NPAS3: variants seen among roughly 807,000 people sequenced by gnomAD.
NPAS3 encodes neuronal PAS domain-containing protein 3.
In NPAS3, 14 loss-of-function variants were observed where a neutral mutation model predicts 73.1. That is an observed-to-expected ratio of 0.19 (90% confidence interval 0.13 to 0.30). The LOEUF (loss-of-function observed/expected upper bound fraction) is 0.30, where lower values mean the gene tolerates loss of function less well. Among genes scored for constraint, NPAS3 ranks in the 10% least tolerant of loss-of-function variants. The pLI, the probability that NPAS3 is intolerant of heterozygous loss-of-function variation, is 1.00. For missense variants in NPAS3, 1,096 were observed against 1,250.0 expected (o/e 0.88, Z 1.86); for synonymous variants, 620 against 541.5 (o/e 1.14, Z -2.01).
rs141623668 is a variant in NPAS3, at chr14:33,169,869, G to A, written c.141-45313G>A. Among the ~76,000 whole-genome samples the A allele has an allele frequency of 7.1e-3, 1,082 of 152,302 alleles. 3 individuals are homozygous for A. Among genetic ancestry groups the A allele is most frequent in the Middle Eastern group, 0.02 (6 of 294 alleles). ...ACCTAAGTTTTAGTCTGAGTTATGA[G>A]ACCTTGTCGGTACCTGATTCTCGAA... On this transcript the variant is annotated intron_variant, in intron 2 of 11. Transcript: ENST00000356141.
intron 5 of NPAS3, among the ~76,000 whole-genome samples, chr14:33,626,503 G>C (rs546574120): frequency 3.3e-5 from 5 of 152,178 alleles, no homozygotes; most frequent in Admixed American, 6.5e-5. Flanking sequence ...ATATTCCCCA[G>C]GGTGATTATG....
At chr14:33,176,319 G>A (rs1225063420) in intron 2 of NPAS3, among the ~76,000 whole-genome samples, 1 of 152,106 alleles carries the variant, frequency 6.6e-6, no homozygotes, top group Non-Finnish European at 1.5e-5. Flanking sequence ...ATTTTCAAAA[G>A]TTTTCATGAC....
chr14:33,580,503 T>C (rs531015593), intron 5 of NPAS3, among the ~76,000 whole-genome samples: 1 of 152,280 alleles, frequency 6.6e-6, no homozygotes, highest in South Asian at 2.1e-4. Context: ...CTTTAAAGGC[T>C]GGTGAGAGCC....
intron 3 of NPAS3, chr14:33,215,715 T>C (rs1445385828): frequency 1.6e-6 from 1 of 631,978 alleles, no homozygotes; most frequent in Non-Finnish European, 2.8e-6. Context: ...TTGGGTTTAA[T>C]GTATGTTTTA....
chr14:33,433,985 G>T (rs1182832989), intron 4 of NPAS3, among the ~76,000 whole-genome samples: 2 of 151,896 alleles, frequency 1.3e-5, no homozygotes, highest in African/African-American at 2.4e-5. Flanking sequence ...GAGGTCAGGA[G>T]TTCGAGACCA....
intron 5 of NPAS3, among the ~76,000 whole-genome samples, chr14:33,575,674 G>A (rs2056405134): frequency 6.6e-6 from 1 of 152,146 alleles, no homozygotes; most frequent in Non-Finnish European, 1.5e-5. Flanking sequence ...TTATTTTATG[G>A]TGAAAAATTT....
At chr14:33,529,863 AG>A (rs1483469704) in intron 4 of NPAS3, among the ~76,000 whole-genome samples, 2 of 152,140 alleles carry the variant, frequency 1.3e-5, no homozygotes, top group East Asian at 3.9e-4. Context: ...CCATTGTCTT[AG>A]GAATTACCAA....
chr14:33,609,407 C>G (rs1009423628), intron 5 of NPAS3, among the ~76,000 whole-genome samples: 2 of 152,164 alleles, frequency 1.3e-5, no homozygotes, highest in African/African-American at 4.8e-5. Flanking sequence ...CTGCTGTCTC[C>G]TCTATGGACT....
chr14:33,676,811 C>G (rs541115797), intron 6 of NPAS3, among the ~76,000 whole-genome samples: 1 of 151,970 alleles, frequency 6.6e-6, no homozygotes, highest in Non-Finnish European at 1.5e-5. Flanking sequence ...ATCTTGGTTT[C>G]TTTATTTTTT....
intron 9 of NPAS3, among the ~76,000 whole-genome samples, chr14:33,787,593 G>T (rs970264200): frequency 2.3e-5 from 1 of 43,206 alleles, no homozygotes; most frequent in South Asian, 1.1e-3. Flanking sequence ...TCAGCATATA[G>T]ATTTACAAAA....
chr14:33,661,566 A>ACATT (rs1567100334), intron 5 of NPAS3, among the ~76,000 whole-genome samples: 1 of 152,206 alleles, frequency 6.6e-6, no homozygotes, highest in East Asian at 1.9e-4. Flanking sequence ...TTATTTTTCT[A>ACATT]CCACAATTGT....
chr14:33,675,585 C>T (rs1363194033), intron 5 of NPAS3, among the ~76,000 whole-genome samples: 1 of 152,198 alleles, frequency 6.6e-6, no homozygotes, highest in Non-Finnish European at 1.5e-5. Context: ...ATGGCTGCTT[C>T]AGACCCCAGC....
intron 3 of NPAS3, among the ~76,000 whole-genome samples, chr14:33,258,330 C>T (rs1181550561): frequency 3.3e-5 from 5 of 151,960 alleles, no homozygotes; most frequent in Non-Finnish European, 5.9e-5. Context: ...TGAACCTGGG[C>T]GGTGGAGGTT....
intron 3 of NPAS3, among the ~76,000 whole-genome samples, chr14:33,288,096 G>A (rs2041951663): frequency 6.6e-6 from 1 of 152,054 alleles, no homozygotes; most frequent in Non-Finnish European, 1.5e-5. Context: ...CTATGAAATG[G>A]ATGTTAGTCC....
Position 32,939,368 on chromosome 14 carries a change from T to A in NPAS3, c.50+2T>A, listed in dbSNP as rs1595046601. ...GCAGGATCCTTCCAGGCGAGAACGG[T>A]AACACTTTTCTGTTTATTGAACCTG... On this transcript the variant is annotated splice_donor_variant, in intron 1 of 11. Transcript: ENST00000356141. LOFTEE classifies it high-confidence loss of function. The A allele has an allele frequency of 1.4e-6, 1 of 699,448 alleles. No individual in the cohort carries two copies. The highest frequency in any genetic ancestry group is 2.5e-6 in the Non-Finnish European group (1 of 398,422). 43.3% of individuals were successfully genotyped at this position (699,448 alleles called of 1,614,324 possible).
At chr14:33,463,168 A>C (rs2139521393) in intron 4 of NPAS3, among the ~76,000 whole-genome samples, 1 of 152,338 alleles carries the variant, frequency 6.6e-6, no homozygotes, top group South Asian at 2.1e-4. Flanking sequence ...AGTTTCTATT[A>C]GTGTATGAGC....
At chr14:32,973,533 A>AT (rs71432099) in intron 1 of NPAS3, among the ~76,000 whole-genome samples, 29,952 of 128,850 alleles carry the variant, frequency 0.23, 3,696 homozygotes, top group East Asian at 0.37. Flanking sequence ...GTATATTTTG[A>AT]TTTTTTTTTT....
At chr14:33,677,933 A>G (rs1281648559) in intron 6 of NPAS3, among the ~76,000 whole-genome samples, 2 of 152,230 alleles carry the variant, frequency 1.3e-5, no homozygotes, top group African/African-American at 4.8e-5. Flanking sequence ...ATCTGGGCAT[A>G]TTTGAGAAAC....
At chr14:33,384,383 C>CTGTG (rs71118542) in intron 4 of NPAS3, among the ~76,000 whole-genome samples, 15 of 150,086 alleles carry the variant, frequency 1.0e-4, no homozygotes, top group East Asian at 2.0e-4. Context: ...TTTAATGTTT[C>CTGTG]TGTGTGTGTG....
Sources: gnomAD v4.1 joint callset for allele counts (sites outside exome capture counted in the v4.1 genomes callset) on GRCh38, gnomAD v4.1.1 for gene constraint, MANE v1.5 for transcripts, NCBI Gene and HGNC (gene_info 2026-07-23, HGNC 2026-07-21) for gene names.